NCOR1: variants seen among roughly 807,000 people sequenced by gnomAD.
The protein encoded by NCOR1 is protein phosphatase 1, regulatory subunit 109.
In NCOR1, 63 loss-of-function variants were observed where a neutral mutation model predicts 288.1. The ratio of observed to expected loss-of-function variants is 0.22; its 90% CI spans 0.18 to 0.27. The LOEUF is 0.27. Among genes scored for constraint, NCOR1 ranks in the 10% least tolerant of loss-of-function variants. The pLI, the probability that NCOR1 is intolerant of heterozygous loss-of-function variation, is 1.00. For missense variants in NCOR1, 2,397 were observed against 3,019.2 expected, an observed-to-expected ratio of 0.79 and a Z score of 4.83; for synonymous variants, 1,007 against 1,065.9, an observed-to-expected ratio of 0.94 and a Z score of 1.08.
rs775515288 is a variant in NCOR1, at chr17:16,039,612, C to G, written c.6776G>C (p.Ser2259Thr). 8 of 1,614,122 alleles carry G rather than the reference C, an allele frequency of 5.0e-6. No homozygotes were observed. In the South Asian group the frequency reaches 7.7e-5, roughly 16 times the overall value. Residue 2259 changes from serine (S) to threonine (T), a missense_variant, in exon 44 of 46, where the codon AGT becomes ACT. Physicochemically the swap from Ser to Thr is moderately conservative, Grantham distance 58. Around this residue, in one of 11 missense-constraint regions of NCOR1, gnomAD observed 1,872 missense variants for 2,187.8 expected, o/e 0.86. Transcript: ENST00000268712. ...SRGHSFADPA[S>T]NLGLEDIIRK... ...GATAATGTCTTCCAGCCCAAGATTA[C>G]TGGCAGGATCAGCAAAAGAATGGCC... is the stretch of plus-strand genomic sequence containing the variant.
At chr17:16,033,434 T>G (rs1170804945) in intron 45 of NCOR1, among the ~76,000 whole-genome samples, 1 of 152,042 alleles carries the variant, frequency 6.6e-6, no homozygotes, top group East Asian at 1.9e-4. Flanking sequence ...CTAAGAGATC[T>G]GAGAAGCAGC....
rs189123975 is a variant in NCOR1, at chr17:16,199,339, C to T, written c.-70-4700G>A. ...CGCATGAACTGCAGCCTGGAGACCA[C>T]GACAACCTCCTTCCTCAAAACTTAT... On this transcript the variant is annotated intron_variant, in intron 1 of 45. Transcript: ENST00000268712. Among the ~76,000 whole-genome samples, 11 of 152,056 alleles carry T rather than the reference C, an allele frequency of 7.2e-5. No homozygotes were observed. In the East Asian group the frequency reaches 1.2e-3, roughly 16 times the overall value.
chr17:16,044,844 C>T (rs373777997), intron 42 of NCOR1: 1 of 988,324 alleles, frequency 1.0e-6, no homozygotes, highest in Non-Finnish European at 1.6e-6. Flanking sequence ...GCTGGTGCTG[C>T]ACCAGTGGGA....
intron 35 of NCOR1, among the ~76,000 whole-genome samples, chr17:16,063,668 A>G (rs2060790951): frequency 6.6e-6 from 1 of 152,044 alleles, no homozygotes; most frequent in Admixed American, 6.5e-5. Flanking sequence ...TGGACACAAC[A>G]TTTCACTGTA....
At chr17:16,201,099 C>A (rs773972087) in intron 1 of NCOR1, among the ~76,000 whole-genome samples, 1 of 152,166 alleles carries the variant, frequency 6.6e-6, no homozygotes, top group East Asian at 1.9e-4. Context: ...TGGTTAAGAT[C>A]CAATCTGGGA....
intron 1 of NCOR1, among the ~76,000 whole-genome samples, chr17:16,211,185 T>A (rs1239163991): frequency 6.6e-6 from 1 of 152,162 alleles, no homozygotes; most frequent in East Asian, 1.9e-4. Context: ...CGACCTTCAG[T>A]GTTATCGAAA....
At chr17:16,068,657 T>G (rs1394777181) in intron 31 of NCOR1, among the ~76,000 whole-genome samples, 32 of 152,098 alleles carry the variant, frequency 2.1e-4, no homozygotes, top group Admixed American at 2.1e-3. Context: ...TTATTCAGGA[T>G]GGTCAGATTG....
At chr17:16,092,688 TATATATA>T (rs1375609323) in intron 21 of NCOR1, among the ~76,000 whole-genome samples, 314 of 12,044 alleles carry the variant, frequency 0.026, 6 homozygotes, top group Non-Finnish European at 0.032. Context: ...TATATATATA[TATATATA>T]TTTTTTTTTT....
At position 16,166,763 on chromosome 17, in the gene NCOR1, TA is replaced by T. The variant is rs796768124; in HGVS notation, c.436-1603del. On this transcript the variant is annotated intron_variant, in intron 4 of 45. Transcript: ENST00000268712. ...CTCCCCCTCCCTCCTTTATCAACAT[TA>T]AAAAAAAAAATACAAGAAAATTTGT... Among the ~76,000 whole-genome samples the T allele has an allele frequency of 5.2e-3, 760 of 146,824 alleles. 8 individuals carry two copies. Among genetic ancestry groups the T allele is most frequent in the African/African-American group, 0.016 (648 of 40,368 alleles).
At chr17:16,038,180 G>C (rs934452270) in intron 44 of NCOR1, among the ~76,000 whole-genome samples, 3 of 151,978 alleles carry the variant, frequency 2.0e-5, no homozygotes, top group African/African-American at 7.3e-5. Flanking sequence ...CAGAAATACT[G>C]CTGAACTTCA....
chr17:16,159,689 A>C (rs2080429084), intron 5 of NCOR1, among the ~76,000 whole-genome samples: 1 of 152,144 alleles, frequency 6.6e-6, no homozygotes, highest in Non-Finnish European at 1.5e-5. Context: ...CTCCGGTCAA[A>C]GGGCAATCAA....
intron 42 of NCOR1, chr17:16,044,450 G>GGA (rs765692220): frequency 4.2e-6 from 2 of 472,206 alleles, no homozygotes; most frequent in Non-Finnish European, 4.4e-6. Flanking sequence ...GACAGGATCA[G>GGA]GAGACTAGTA....
At chr17:16,055,482 C>T (rs935345300) in intron 40 of NCOR1, among the ~76,000 whole-genome samples, 1 of 152,128 alleles carries the variant, frequency 6.6e-6, no homozygotes, top group Non-Finnish European at 1.5e-5. Context: ...GGTGAGAACA[C>T]ACGGACACAT....
chr17:16,196,988 G>C (rs1220013527), intron 1 of NCOR1, among the ~76,000 whole-genome samples: 1 of 151,670 alleles, frequency 6.6e-6, no homozygotes, highest in Non-Finnish European at 1.5e-5. Context: ...CTGCACTCCA[G>C]CCTGGGTGAT....
At chr17:16,118,800 T>G (rs931048419) in intron 17 of NCOR1, among the ~76,000 whole-genome samples, 10 of 152,184 alleles carry the variant, frequency 6.6e-5, no homozygotes, top group Non-Finnish European at 1.3e-4. Flanking sequence ...TATTAGAAAT[T>G]TTAGTTCAAT....
chr17:16,053,683 C>CA (rs1262777711), intron 40 of NCOR1, among the ~76,000 whole-genome samples: 2 of 151,944 alleles, frequency 1.3e-5, no homozygotes, highest in Non-Finnish European at 2.9e-5. Flanking sequence ...CACAGAACTA[C>CA]AAAAAACTAT....
chr17:16,211,838 G>A (rs1353025598), intron 1 of NCOR1, among the ~76,000 whole-genome samples: 2 of 152,064 alleles, frequency 1.3e-5, no homozygotes, highest in Non-Finnish European at 2.9e-5. Flanking sequence ...CTCCACATAC[G>A]GTTATTACTA....
Position 16,170,298 on chromosome 17 carries a change from C to T in NCOR1, c.435+1505G>A, listed in dbSNP as rs79457340. On this transcript the variant is annotated intron_variant, in intron 4 of 45. Transcript: ENST00000268712. ...AATTAGGCATAAAGGTTAATAAACA[C>T]AGAAAAAAGATTTGATGGCAGTAAA... Among the ~76,000 whole-genome samples the T allele has an allele frequency of 5.8e-4, 87 of 151,288 alleles. 3 individuals are homozygous for T. Among genetic ancestry groups the T allele is most frequent in the Non-Finnish European group, 7.4e-5 (5 of 67,894 alleles).
intron 42 of NCOR1, among the ~76,000 whole-genome samples, chr17:16,041,806 G>A (rs954623530): frequency 2.6e-5 from 4 of 151,990 alleles, no homozygotes; most frequent in South Asian, 2.1e-4. Flanking sequence ...GTGCGATCTT[G>A]GCTCACTGCA....
Sources: gnomAD v4.1 joint callset for allele counts (sites outside exome capture counted in the v4.1 genomes callset) on GRCh38, gnomAD v4.1.1 for gene constraint, gnomAD v4.1.1 regional missense constraint, MANE v1.5 for transcripts, NCBI Gene and HGNC (gene_info 2026-07-23, HGNC 2026-07-21) for gene names.